Variants in CCDC138 observed in about 807,000 individuals in gnomAD.
CCDC138 encodes coiled-coil domain-containing protein 138.
Under a neutral mutation model 82.3 loss-of-function variants are expected in CCDC138, and 66 were observed. The observed-to-expected ratio is 0.80, with a 90% confidence interval of 0.66 to 0.98. The LOEUF is 0.98. Among genes scored for constraint, CCDC138 ranks in the 50% least tolerant of loss-of-function variants. The probability of loss-of-function intolerance (pLI) is 0.00; values close to 1 mark genes in which losing one functional copy is unlikely to be tolerated. For synonymous variants in CCDC138, 297 were observed against 265.4 expected (o/e 1.12, Z -1.16); for missense variants, 816 against 758.9 (o/e 1.08, Z -0.88).
At chr2:108,860,069 A>T (rs1574269336) in intron 13 of CCDC138, among the ~76,000 whole-genome samples, 1 of 151,944 alleles carries the variant, frequency 6.6e-6, no homozygotes, top group Admixed American at 6.6e-5. Flanking sequence ...GGCTGTTGTA[A>T]ATAGGATTGT....
intron 13 of CCDC138, among the ~76,000 whole-genome samples, chr2:108,862,788 C>T (rs778254616): frequency 4.6e-5 from 7 of 151,976 alleles, no homozygotes; most frequent in African/African-American, 9.7e-5. Flanking sequence ...TTGATGTTGG[C>T]CACCTTTTGT....
chr2:108,880,928 A>G (rs555160834), downstream of CCDC138, among the ~76,000 whole-genome samples: 1 of 152,328 alleles, frequency 6.6e-6, no homozygotes, highest in South Asian at 2.1e-4. Flanking sequence ...TTCTCCATAT[A>G]TACTTTATAA....
At position 108,873,487 on chromosome 2, in the gene CCDC138, CTT is replaced by C. The variant is rs780151096; in HGVS notation, c.1732_1733del (p.Leu578IlefsTer13). 1 of 1,607,190 alleles carries C rather than the reference CTT, an allele frequency of 6.2e-7. No homozygotes were observed. The highest frequency in any genetic ancestry group is 8.5e-7 in the Non-Finnish European group (1 of 1,176,946). On this transcript the variant is annotated frameshift_variant, in exon 14 of 15. Transcript: ENST00000295124. LOFTEE classifies it high-confidence loss of function. ...CCTTTCCTGGAAGCCTGTAGCAACT[CTT>C]TATTTTTTCGTACTTGCTCTGTGCT...
chr2:108,869,051 AT>A (rs927699623), intron 13 of CCDC138, among the ~76,000 whole-genome samples: 3 of 151,480 alleles, frequency 2.0e-5, no homozygotes, highest in African/African-American at 4.8e-5. Flanking sequence ...CTTGAAGAAA[AT>A]TTTTTTTTCA....
chr2:108,804,858 T>TTAGA, intron 6 of CCDC138, 31 bp from the exon 7 acceptor site: 1 of 1,479,316 alleles, frequency 6.8e-7, no homozygotes. Flanking sequence ...CTTACAAGTT[T>TTAGA]TAGATGAGAG....
chr2:108,827,688 A>C (rs1424185012), intron 10 of CCDC138, among the ~76,000 whole-genome samples: 8 of 151,742 alleles, frequency 5.3e-5, no homozygotes, highest in Non-Finnish European at 1.2e-4. Flanking sequence ...TGGTGGCAGG[A>C]GCTTGTAGTC....
chr2:108,876,075 A>T lies in CCDC138; in HGVS notation c.1833-13A>T, dbSNP rs200494112. 5.0e-4 allele frequency: 767 copies of T among 1,526,826 alleles called. 5 individuals are homozygous for T. In the African/African-American group the frequency reaches 9.8e-3, roughly 20 times the overall value. 94.6% of individuals were successfully genotyped at this position (1,526,826 alleles called of 1,614,324 possible). ...GTATGTGTAATTAAATAATGTATTC[A>T]TTTTTTTTACAGGAGTAATAAGAAG... is the stretch of plus-strand genomic sequence containing the variant. On this transcript the variant is annotated splice_polypyrimidine_tract_variant and intron_variant, in intron 14 of 14. Coordinates refer to ENST00000295124, the MANE Select transcript of CCDC138 (RefSeq NM_144978.3).
intron 10 of CCDC138, among the ~76,000 whole-genome samples, chr2:108,817,610 C>T (rs746652443): frequency 6.6e-6 from 1 of 152,118 alleles, no homozygotes; most frequent in Non-Finnish European, 1.5e-5. Context: ...CTTCTGGAAG[C>T]TGGGAATTGC....
intron 11 of CCDC138, among the ~76,000 whole-genome samples, chr2:108,842,202 GTTT>G (rs11330697): frequency 4.2e-5 from 6 of 142,126 alleles, no homozygotes; most frequent in Non-Finnish European, 3.1e-5. Flanking sequence ...TAATTAAAAA[GTTT>G]TTTTTTTTTT....
chr2:108,863,819 G>T (rs1693988355), intron 13 of CCDC138, among the ~76,000 whole-genome samples: 1 of 152,152 alleles, frequency 6.6e-6, no homozygotes, highest in Non-Finnish European at 1.5e-5. Context: ...GTGGCACAGG[G>T]ACCTAATGAA....
At chr2:108,851,017 C>T (rs1440147245) in intron 12 of CCDC138, among the ~76,000 whole-genome samples, 1 of 152,182 alleles carries the variant, frequency 6.6e-6, no homozygotes, top group African/African-American at 2.4e-5. Flanking sequence ...CAAGTCCGGC[C>T]CTCTGGAACT....
At position 108,845,218 on chromosome 2, in the gene CCDC138, T is replaced by A. The variant is rs114773566; in HGVS notation, c.1324-1520T>A. Reference sequence around the variant, plus strand: ...TTACACAAAGGTTTAAAAACATGTATTTTTTTTCTAATAATATAAAAATTG... The same window carrying A: ...TTACACAAAGGTTTAAAAACATGTAATTTTTTTCTAATAATATAAAAATTG... On this transcript the variant is annotated intron_variant, in intron 11 of 14. Coordinates refer to ENST00000295124, the MANE Select transcript of CCDC138 (RefSeq NM_144978.3). Among the ~76,000 whole-genome samples the A allele has an allele frequency of 4.8e-3, 727 of 152,176 alleles. 7 individuals are homozygous for A. Among genetic ancestry groups the A allele is most frequent in the South Asian group, 0.023 (110 of 4,824 alleles).
At chr2:108,831,663 C>T (rs1487238731) in intron 10 of CCDC138, among the ~76,000 whole-genome samples, 1 of 149,960 alleles carries the variant, frequency 6.7e-6, no homozygotes. Context: ...GGTTCTATCC[C>T]TGGAATCTGA....
At chr2:108,857,203 C>G (rs554016842) in intron 13 of CCDC138, among the ~76,000 whole-genome samples, 2 of 149,236 alleles carry the variant, frequency 1.3e-5, no homozygotes, top group East Asian at 2.0e-4. Context: ...CTCAGCCTCC[C>G]GAGTAGCTGG....
At chr2:108,848,653 T>G (rs1351576318) in intron 12 of CCDC138, among the ~76,000 whole-genome samples, 3 of 152,182 alleles carry the variant, frequency 2.0e-5, no homozygotes, top group Non-Finnish European at 4.4e-5. Flanking sequence ...TAGGGAAATT[T>G]ATGTGGAAAA....
At chr2:108,823,996 TG>T (rs143175891) in intron 10 of CCDC138, among the ~76,000 whole-genome samples, 8,992 of 146,084 alleles carry the variant, frequency 0.062, 314 homozygotes, top group South Asian at 0.15. Flanking sequence ...AAGGGAGGGG[TG>T]GGGGGTACAC....
chr2:108,871,996 C>T (rs1201763477), intron 13 of CCDC138, among the ~76,000 whole-genome samples: 3 of 152,112 alleles, frequency 2.0e-5, no homozygotes, highest in African/African-American at 7.2e-5. Context: ...TTTAATTCCC[C>T]TCTCTCACAC....
chr2:108,868,560 TC>T (rs1186362405), intron 13 of CCDC138, among the ~76,000 whole-genome samples: 1 of 152,170 alleles, frequency 6.6e-6, no homozygotes, highest in East Asian at 1.9e-4. Context: ...CTAAAAACTT[TC>T]TCCTCCAGCC....
intron 10 of CCDC138, among the ~76,000 whole-genome samples, chr2:108,831,746 T>TTCCTTCCTTCCTTC (rs370860500): frequency 1.4e-5 from 2 of 139,574 alleles, no homozygotes; most frequent in African/African-American, 5.0e-5. Flanking sequence ...CCGTCCTTCC[T>TTCCTTCCTTCCTTC]GTTGAAACGA....
Sources: gnomAD v4.1 joint callset for allele counts (sites outside exome capture counted in the v4.1 genomes callset) on GRCh38, gnomAD v4.1.1 for gene constraint, MANE v1.5 for transcripts, NCBI Gene and HGNC (gene_info 2026-07-23, HGNC 2026-07-21) for gene names.